RNGTT: variants seen among roughly 807,000 people sequenced by gnomAD.
RNGTT encodes RNA guanylyltransferase and 5'-phosphatase, also known as mRNA-capping enzyme.
In RNGTT, 33 loss-of-function variants were observed where a neutral mutation model predicts 79.3. The ratio of observed to expected loss-of-function variants is 0.42; its 90% CI spans 0.32 to 0.56. The LOEUF (loss-of-function observed/expected upper bound fraction) is 0.56. RNGTT is among the 20% of genes least tolerant of loss of function. RNGTT has a pLI of 0.17. For synonymous variants in RNGTT, 222 were observed against 235.9 expected, an observed-to-expected ratio of 0.94 and a Z score of 0.54; for missense variants, 497 against 739.1, an observed-to-expected ratio of 0.67 and a Z score of 3.80.
At chr6:88,693,156 T>C (rs1775541221) in intron 13 of RNGTT, among the ~76,000 whole-genome samples, 1 of 151,864 alleles carries the variant, frequency 6.6e-6, no homozygotes, top group African/African-American at 2.4e-5. Flanking sequence ...AATTAGTGAC[T>C]AGAAAATAGA....
chr6:88,929,970 A>G (rs1221934364), intron 2 of RNGTT, among the ~76,000 whole-genome samples: 1 of 150,134 alleles, frequency 6.7e-6, no homozygotes, highest in African/African-American at 2.4e-5. Flanking sequence ...ACATATGTAT[A>G]CATGCATATG....
Position 88,610,069 on chromosome 6 carries a change from A to G in RNGTT, c.*2650T>C, listed in dbSNP as rs893518851. Among the ~76,000 whole-genome samples the G allele has an allele frequency of 2.0e-5, 3 of 152,220 alleles. No individual in the cohort carries two copies. Among genetic ancestry groups the G allele is most frequent in the Non-Finnish European group, 4.4e-5 (3 of 68,024 alleles). On this transcript the variant is annotated 3_prime_UTR_variant, in exon 16 of 16. Transcript: ENST00000369485. ...TCCCATTCCTCTCCACTTCAAAAAT[A>G]AAAGGTTCAAACTACACCCCCCTGT...
chr6:88,863,091 C>T (rs577302326), intron 8 of RNGTT, among the ~76,000 whole-genome samples: 1 of 152,166 alleles, frequency 6.6e-6, no homozygotes, highest in South Asian at 2.1e-4. Flanking sequence ...TGATCACTTA[C>T]ATGAACACAA....
At chr6:88,792,437 A>G (rs1582466368) in intron 12 of RNGTT, among the ~76,000 whole-genome samples, 1 of 152,346 alleles carries the variant, frequency 6.6e-6, no homozygotes, top group East Asian at 1.9e-4. Flanking sequence ...ATGTATAAGC[A>G]CAAAAGAAGT....
At chr6:88,851,522 C>A (rs925896773) in intron 9 of RNGTT, among the ~76,000 whole-genome samples, 1 of 151,976 alleles carries the variant, frequency 6.6e-6, no homozygotes, top group Non-Finnish European at 1.5e-5. Context: ...TGATTAACTG[C>A]TATATTCTTA....
chr6:88,828,359 G>T (rs1047863426), intron 11 of RNGTT, among the ~76,000 whole-genome samples: 3 of 152,148 alleles, frequency 2.0e-5, no homozygotes, highest in Admixed American at 1.3e-4. Flanking sequence ...TCAACAAAAG[G>T]ACAGCCACTC....
At position 88,790,234 on chromosome 6, in the gene RNGTT, T is replaced by C. The variant is rs566006461; in HGVS notation, c.1338+11330A>G. Among the ~76,000 whole-genome samples the C allele has an allele frequency of 6.6e-5, 10 of 152,176 alleles. 1 individual carries two copies. The highest frequency in any genetic ancestry group is 5.2e-4 in the Admixed American group (8 of 15,292). ...TCCTGGTGCAGTGCCCCAGAAAGGA[T>C]TGAGTCATATAAATAACAGGTAACC... On this transcript the variant is annotated intron_variant, in intron 12 of 15. Transcript: ENST00000369485.
intron 1 of RNGTT, among the ~76,000 whole-genome samples, chr6:88,949,647 C>T (rs919228365): frequency 6.6e-6 from 1 of 152,100 alleles, no homozygotes; most frequent in African/African-American, 2.4e-5. Context: ...CCATTTAAGC[C>T]AAAGCCTAAT....
intron 13 of RNGTT, among the ~76,000 whole-genome samples, chr6:88,735,693 T>C (rs1235509848): frequency 6.6e-6 from 1 of 151,960 alleles, no homozygotes; most frequent in Non-Finnish European, 1.5e-5. Context: ...AAAGCAGTGA[T>C]TTCAGGGAAA....
chr6:88,824,809 T>G (rs1473552660), intron 11 of RNGTT, among the ~76,000 whole-genome samples: 2 of 151,220 alleles, frequency 1.3e-5, no homozygotes, highest in African/African-American at 2.4e-5. Context: ...TGGAATGCAG[T>G]GGTGCGATCT....
intron 11 of RNGTT, among the ~76,000 whole-genome samples, chr6:88,818,445 T>C (rs1780396065): frequency 6.6e-6 from 1 of 151,810 alleles, no homozygotes; most frequent in Non-Finnish European, 1.5e-5. Flanking sequence ...TAGCCAGGCA[T>C]AGTGGTACAT....
intron 13 of RNGTT, among the ~76,000 whole-genome samples, chr6:88,691,748 CATAAT>C (rs1241140803): frequency 6.6e-6 from 1 of 151,842 alleles, no homozygotes; most frequent in East Asian, 1.9e-4. Flanking sequence ...TATTGTATTT[CATAAT>C]ATAAAAGGTT....
At position 88,681,431 on chromosome 6, in the gene RNGTT, C is replaced by A. The variant is rs186180267; in HGVS notation, c.1440-3012G>T. 2.0e-3 allele frequency among the ~76,000 whole-genome samples: 298 copies of A among 152,094 alleles called. 4 individuals carry two copies. Among genetic ancestry groups the A allele is most frequent in the African/African-American group, 7.0e-3 (290 of 41,524 alleles). On this transcript the variant is annotated intron_variant, in intron 13 of 15. Coordinates refer to ENST00000369485, the MANE Select transcript of RNGTT (RefSeq NM_003800.5). ...ATATACTTCTTTCTTATTCATTATC[C>A]CTTACCATATATTATATTACCACCT...
chr6:88,859,852 T>G (rs9362578), intron 8 of RNGTT, among the ~76,000 whole-genome samples: 7 of 152,076 alleles, frequency 4.6e-5, no homozygotes, highest in Non-Finnish European at 1.0e-4. Context: ...TGGTAAAACT[T>G]AACACGAAGT....
At chr6:88,730,779 T>C (rs561966775) in intron 13 of RNGTT, among the ~76,000 whole-genome samples, 1 of 152,288 alleles carries the variant, frequency 6.6e-6, no homozygotes, top group Non-Finnish European at 1.5e-5. Context: ...CCAGCATGAC[T>C]GTATTTACAA....
rs566038611 is a variant in RNGTT, at chr6:88,653,358, A to C, written c.1506+24995T>G. The stretch of plus-strand genomic sequence containing the variant: ...GTATAATGTTTTAAAAAACACTAGA[A>C]TATGCCAAAATATTTCCCACAGTTT... On this transcript the variant is annotated intron_variant, in intron 14 of 15. Transcript: ENST00000369485. Among the ~76,000 whole-genome samples the C allele has an allele frequency of 1.8e-4, 28 of 152,336 alleles. 1 individual carries two copies. In the East Asian group the frequency reaches 3.1e-3, roughly 17 times the overall value.
intron 14 of RNGTT, among the ~76,000 whole-genome samples, chr6:88,665,250 C>T (rs1333853784): frequency 6.6e-6 from 1 of 152,134 alleles, no homozygotes; most frequent in Non-Finnish European, 1.5e-5. Flanking sequence ...AGACAACCCT[C>T]CTGGATTGGC....
chr6:88,637,379 GT>G (rs1461263465), intron 14 of RNGTT, among the ~76,000 whole-genome samples: 1 of 152,060 alleles, frequency 6.6e-6, no homozygotes, highest in Non-Finnish European at 1.5e-5. Context: ...TTTTCATTCT[GT>G]TGTTCCAGTT....
chr6:88,946,120 TGTCTATCAA>T (rs887971349), intron 1 of RNGTT, among the ~76,000 whole-genome samples: 2 of 152,236 alleles, frequency 1.3e-5, no homozygotes, highest in African/African-American at 4.8e-5. Context: ...GGCAACCTTT[TGTCTATCAA>T]GTCTATCAAG....
Sources: gnomAD v4.1 joint callset for allele counts (sites outside exome capture counted in the v4.1 genomes callset) on GRCh38, gnomAD v4.1.1 for gene constraint, MANE v1.5 for transcripts, NCBI Gene and HGNC (gene_info 2026-07-23, HGNC 2026-07-21) for gene names.